PLA2G2C: variants seen among roughly 807,000 people sequenced by gnomAD.
PLA2G2C encodes the protein phospholipase A2 group IIC, also known as putative inactive group IIC secretory phospholipase A2.
A neutral mutation model predicts 14.3 loss-of-function variants in PLA2G2C; 15 were observed. That is an observed-to-expected ratio of 1.05 (90% CI 0.70 to 1.62). The LOEUF (loss-of-function observed/expected upper bound fraction) is 1.62. Among genes scored for constraint, PLA2G2C ranks in the 40% most tolerant of loss-of-function variants. The pLI, the probability that PLA2G2C is intolerant of heterozygous loss-of-function variation, is 0.00. For missense variants in PLA2G2C, 162 were observed against 173.2 expected (o/e 0.94, Z 0.36); for synonymous variants, 79 against 67.7 (o/e 1.17, Z -0.82).
chr1:20,166,340 G>C (rs2017978779), intron 4 of PLA2G2C, among the ~76,000 whole-genome samples: 1 of 152,100 alleles, frequency 6.6e-6, no homozygotes, highest in Non-Finnish European at 1.5e-5. Flanking sequence ...TGCCAGGGAT[G>C]TTCACTCCTC....
chr1:20,164,343 C>T (rs181764862), intron 4 of PLA2G2C, among the ~76,000 whole-genome samples, 186 bp from the exon 5 acceptor site: 1 of 152,168 alleles, frequency 6.6e-6, no homozygotes, highest in Admixed American at 6.5e-5. Flanking sequence ...TGTGTGCGTG[C>T]ATATGCATTT....
At chr1:20,184,617 C>G (rs2018334996) in intron 1 of PLA2G2C, 1 of 152,216 alleles carries the variant, frequency 6.6e-6, no homozygotes, top group African/African-American at 2.4e-5. Context: ...CATGGAGGAG[C>G]AATTCACCTT....
chr1:20,164,029 T>C lies in PLA2G2C; in HGVS notation c.412A>G (p.Ser138Gly). The stretch of plus-strand genomic sequence containing the variant: ...TTATGTCTGCCACACCTGGGCTGGC[T>C]GGAGAACTGCTTGAAGTTTTTCTCA... ...TYEKNFKQFS[S>G]QPRCGRHKPW... The change falls in exon 5 of 5, where the codon AGC (serine) becomes GGC (glycine). Residue 138 changes from serine to glycine, a missense_variant. Transcript: ENST00000679259. 1 of 1,613,520 alleles carries C rather than the reference T, an allele frequency of 6.2e-7. No individual in the cohort carries two copies. The highest frequency in any genetic ancestry group is 8.5e-7 in the Non-Finnish European group (1 of 1,179,712).
At chr1:20,177,549 A>G (rs2018208401) in intron 1 of PLA2G2C, 110 bp from the exon 2 acceptor site, 1 of 443,744 alleles carries the variant, frequency 2.3e-6, no homozygotes, top group African/African-American at 2.0e-5. Flanking sequence ...TCATTTTCAA[A>G]TCTCATTCCC....
At chr1:20,167,971 T>C (rs1569925027) in intron 4 of PLA2G2C, among the ~76,000 whole-genome samples, 1 of 152,364 alleles carries the variant, frequency 6.6e-6, no homozygotes, top group South Asian at 2.1e-4. Context: ...GAATATGCTG[T>C]GGTCTCTTGT....
intron 1 of PLA2G2C, among the ~76,000 whole-genome samples, chr1:20,185,220 A>C (rs1223526351): frequency 6.6e-6 from 1 of 152,178 alleles, no homozygotes; most frequent in Non-Finnish European, 1.5e-5. Flanking sequence ...CTGAGAGTCT[A>C]ACTGAGGTTA....
chr1:20,167,833 C>G (rs1009983854), intron 4 of PLA2G2C, among the ~76,000 whole-genome samples: 1 of 152,236 alleles, frequency 6.6e-6, no homozygotes, highest in Non-Finnish European at 1.5e-5. Flanking sequence ...CCCAGAGAGG[C>G]CTTCTTCGAC....
At chr1:20,167,879 C>A (rs1283892841) in intron 4 of PLA2G2C, among the ~76,000 whole-genome samples, 2 of 152,236 alleles carry the variant, frequency 1.3e-5, no homozygotes, top group Non-Finnish European at 2.9e-5. Flanking sequence ...TCCTGACCCC[C>A]AAACGCTGTC....
At chr1:20,165,140 T>C (rs761192637) in intron 4 of PLA2G2C, among the ~76,000 whole-genome samples, 1 of 152,198 alleles carries the variant, frequency 6.6e-6, no homozygotes, top group African/African-American at 2.4e-5. Context: ...CTCCCTGCTC[T>C]GGGCACACCA....
chr1:20,184,997 A>G (rs1278072360), intron 1 of PLA2G2C, among the ~76,000 whole-genome samples: 4 of 152,080 alleles, frequency 2.6e-5, no homozygotes, highest in Non-Finnish European at 5.9e-5. Context: ...TACAAAAAAT[A>G]ATAAAAATTA....
intron 2 of PLA2G2C, among the ~76,000 whole-genome samples, chr1:20,176,494 C>A (rs889434314): frequency 2.6e-5 from 4 of 152,282 alleles, no homozygotes; most frequent in Admixed American, 1.3e-4. Context: ...TTCTCAGGTG[C>A]CTTCGATCTC....
chr1:20,177,271 A>G, intron 2 of PLA2G2C, 53 bp downstream of exon 2: 1 of 700,316 alleles, frequency 1.4e-6, no homozygotes, highest in South Asian at 1.5e-5. Context: ...CCTCCCACTG[A>G]CATAAACAGG....
intron 1 of PLA2G2C, among the ~76,000 whole-genome samples, chr1:20,184,018 G>A (rs2018319596): frequency 6.6e-6 from 1 of 152,210 alleles, no homozygotes; most frequent in Non-Finnish European, 1.5e-5. Flanking sequence ...AGGCAGCAGA[G>A]GCACAGCAAT....
At chr1:20,178,558 C>T (rs2018226494) in intron 1 of PLA2G2C, among the ~76,000 whole-genome samples, 1 of 152,192 alleles carries the variant, frequency 6.6e-6, no homozygotes, top group African/African-American at 2.4e-5. Flanking sequence ...ACCTTCACTT[C>T]AATTGCTGTG....
Position 20,163,884 on chromosome 1 carries a change from C to T in PLA2G2C, c.*107G>A. 1 of 1,277,480 alleles carries T rather than the reference C, an allele frequency of 7.8e-7. No individual in the cohort carries two copies. Among genetic ancestry groups the T allele is most frequent in the Non-Finnish European group, 1.1e-6 (1 of 941,636 alleles). The allele number at this position is 1,277,480 out of a possible 1,614,324, so 79.1% of individuals were successfully genotyped here. On this transcript the variant is annotated 3_prime_UTR_variant, in exon 5 of 5. Transcript: ENST00000679259. ...TGCCCTGCGGGAGACATTTTGTCCT[C>T]CCTCCCAGTGGAAGAACAGGGGCCT...
rs769451934 is a variant in PLA2G2C at position 20,175,156 on chromosome 1, C to G, written c.41-11G>C. ...TGCTGTGGGTGGGGGCTGCCACCAC[C>G]GATGAGAAAAAAAGGAAGAAGGAAG... On this transcript the variant is annotated splice_polypyrimidine_tract_variant and intron_variant, in intron 2 of 4. Transcript: ENST00000679259. 6.2e-7 allele frequency: 1 copy of G among 1,613,254 alleles called. No individual in the cohort carries two copies. The highest frequency in any genetic ancestry group is 8.5e-7 in the Non-Finnish European group (1 of 1,179,702).
intron 1 of PLA2G2C, among the ~76,000 whole-genome samples, chr1:20,177,649 GT>G (rs956338115): frequency 2.9e-4 from 43 of 147,234 alleles, no homozygotes; most frequent in East Asian, 7.9e-4. Context: ...TGTTGGTTTG[GT>G]TTTTTTTTTT....
intron 4 of PLA2G2C, among the ~76,000 whole-genome samples, chr1:20,164,408 GTA>G (rs2017938385): frequency 6.6e-6 from 1 of 152,160 alleles, no homozygotes; most frequent in African/African-American, 2.4e-5. Context: ...ATGTGCCTGT[GTA>G]TGTGTGTGTG....
intron 4 of PLA2G2C, among the ~76,000 whole-genome samples, chr1:20,169,459 T>G (rs959628788): frequency 1.3e-5 from 2 of 152,092 alleles, no homozygotes; most frequent in Non-Finnish European, 2.9e-5. Context: ...GGATTACAGG[T>G]ATGAGCCACC....
Sources: allele counts gnomAD v4.1 joint callset (sites outside exome capture counted in the v4.1 genomes callset), GRCh38; gene constraint gnomAD v4.1.1; transcripts MANE v1.5; gene names NCBI Gene and HGNC (gene_info 2026-07-23, HGNC 2026-07-21).